PRMT8: variants seen among roughly 807,000 people sequenced by gnomAD.
PRMT8 encodes the protein protein arginine methyltransferase 8, also known as protein arginine N-methyltransferase 8.
Under a neutral mutation model 47.1 loss-of-function variants are expected in PRMT8, and 7 were observed. The observed-to-expected ratio is 0.15, with a 90% CI of 0.08 to 0.28. PRMT8 has a LOEUF of 0.28. PRMT8 is among the 10% of genes least tolerant of loss of function. The probability of loss-of-function intolerance (pLI) is 1.00; values close to 1 mark genes in which losing one functional copy is unlikely to be tolerated. For missense variants in PRMT8, 237 were observed against 505.4 expected, an observed-to-expected ratio of 0.47 and a Z score of 5.09; for synonymous variants, 188 against 186.5, an observed-to-expected ratio of 1.01 and a Z score of -0.07.
Position 3,592,426 on chromosome 12 carries a change from C to T in PRMT8, c.1101+74C>T, listed in dbSNP as rs750214317. ...CTGGCTCGCTCAGGACCCACTTGCCCGGGTTCTTAAGTGTCTCATGAACAG... is the reference window on the plus strand; with the variant it reads ...CTGGCTCGCTCAGGACCCACTTGCCTGGGTTCTTAAGTGTCTCATGAACAG... On this transcript the variant is annotated intron_variant, in intron 9 of 9. Coordinates refer to ENST00000382622, the MANE Select transcript of PRMT8 (RefSeq NM_019854.5). 37 of 1,509,502 alleles carry T rather than the reference C, an allele frequency of 2.5e-5. No individual in the cohort carries two copies. The Middle Eastern group carries it at 6.9e-4, about 28-fold the overall frequency. 93.5% of individuals were successfully genotyped at this position (1,509,502 alleles called of 1,614,324 possible). A position where few individuals can be genotyped will look rare whatever the true frequency, so the allele number is the denominator to read the frequency against.
At chr12:3,555,801 T>C (rs1565440465) in intron 4 of PRMT8, among the ~76,000 whole-genome samples, 1 of 117,442 alleles carries the variant, frequency 8.5e-6, no homozygotes. Context: ...GTGCATTGAG[T>C]GTGGGGATGA....
At chr12:3,524,468 C>T (rs1036764607) in intron 1 of PRMT8, among the ~76,000 whole-genome samples, 6 of 151,926 alleles carry the variant, frequency 3.9e-5, no homozygotes, top group Admixed American at 2.0e-4. Context: ...TGCCCTCACC[C>T]GAACCAAAGA....
At chr12:3,562,390 G>C (rs78197736) in intron 4 of PRMT8, among the ~76,000 whole-genome samples, 1 of 151,636 alleles carries the variant, frequency 6.6e-6, no homozygotes, top group East Asian at 1.9e-4. Context: ...AGGGGAGTTC[G>C]TGGTGTGACT....
chr12:3,559,603 C>T (rs547788943), intron 4 of PRMT8, among the ~76,000 whole-genome samples: 4 of 152,314 alleles, frequency 2.6e-5, no homozygotes, highest in African/African-American at 4.8e-5. Flanking sequence ...CCTTTCTCTA[C>T]CAGAAAAACC....
chr12:3,436,813 CT>C lies in PRMT8; in HGVS notation c.48+55372del, dbSNP rs1257105596. Reference sequence around the variant, plus strand: ...GGAGAAGCGGATCCAGCAGGCAAGGCTGCGATTTCTCTCTACTGATGCTGTG... The same window carrying C: ...GGAGAAGCGGATCCAGCAGGCAAGGCGCGATTTCTCTCTACTGATGCTGTG... On this transcript the variant is annotated intron_variant, in intron 1 of 9. Transcript: ENST00000452611. This position sits in a 1 kb window ranked among gnomAD's most constrained non-coding sequence, Gnocchi z 4.2. Among the ~76,000 whole-genome samples the C allele has an allele frequency of 1.3e-5, 2 of 152,346 alleles. No homozygotes were observed. The highest frequency in any genetic ancestry group is 1.3e-4 in the Admixed American group (2 of 15,296).
intron 5 of PRMT8, 151 bp downstream of exon 5, chr12:3,568,999 T>TAACAGAC: frequency 9.1e-7 from 1 of 1,093,790 alleles, no homozygotes; most frequent in Non-Finnish European, 1.3e-6. Context: ...AGCAGATCTG[T>TAACAGAC]ATCAGGGAAC....
intron 1 of PRMT8, among the ~76,000 whole-genome samples, chr12:3,445,628 A>G (rs10744612): frequency 0.56 from 84,730 of 151,912 alleles, 27,033 homozygotes; most frequent in East Asian, 0.83. Flanking sequence ...GATCAGCTCC[A>G]TTTGCTTGCC....
intron 1 of PRMT8, among the ~76,000 whole-genome samples, chr12:3,399,787 T>G (rs1864298727): frequency 6.6e-6 from 1 of 152,202 alleles, no homozygotes; most frequent in African/African-American, 2.4e-5. Context: ...ACTTTCATCA[T>G]GGATGCAGAT....
intron 6 of PRMT8, among the ~76,000 whole-genome samples, chr12:3,571,167 C>T (rs1293851843): frequency 1.3e-5 from 2 of 152,212 alleles, no homozygotes; most frequent in Non-Finnish European, 2.9e-5. Context: ...AAGCCCCTTT[C>T]TGCCCCTGGC....
chr12:3,454,111 A>G (rs1255012365), intron 1 of PRMT8, among the ~76,000 whole-genome samples: 1 of 152,154 alleles, frequency 6.6e-6, no homozygotes, highest in African/African-American at 2.4e-5. Context: ...ACGGAGGCCC[A>G]TCTGACTTGG....
intron 1 of PRMT8, among the ~76,000 whole-genome samples, chr12:3,464,821 C>G (rs909345405): frequency 2.0e-5 from 3 of 152,066 alleles, no homozygotes; most frequent in Admixed American, 2.0e-4. Flanking sequence ...TCATGGGAAA[C>G]CTGGGTAGGA....
At chr12:3,475,402 G>C (rs1194608711) in intron 1 of PRMT8, among the ~76,000 whole-genome samples, 1 of 152,196 alleles carries the variant, frequency 6.6e-6, no homozygotes, top group Non-Finnish European at 1.5e-5. Flanking sequence ...CACCAAACTG[G>C]TTTTAGGTTT....
At chr12:3,480,910 G>C (rs1222077901) in intron 1 of PRMT8, among the ~76,000 whole-genome samples, 2 of 152,192 alleles carry the variant, frequency 1.3e-5, no homozygotes, top group Non-Finnish European at 2.9e-5. Context: ...CTCTGGGAAA[G>C]CTAAGTGTTG....
chr12:3,485,426 C>A (rs1243478354), intron 1 of PRMT8, among the ~76,000 whole-genome samples: 1 of 152,084 alleles, frequency 6.6e-6, no homozygotes, highest in Non-Finnish European at 1.5e-5. Context: ...GAGGAACTGG[C>A]AATGGATATT....
chr12:3,446,841 G>A (rs1864860775), intron 1 of PRMT8, among the ~76,000 whole-genome samples: 3 of 152,206 alleles, frequency 2.0e-5, no homozygotes, highest in Admixed American at 2.0e-4. Flanking sequence ...TGCCCCATGT[G>A]CTTTAGAAGA....
intron 1 of PRMT8, among the ~76,000 whole-genome samples, chr12:3,455,852 G>T (rs1363641395): frequency 1.3e-5 from 2 of 152,180 alleles, no homozygotes; most frequent in Non-Finnish European, 1.5e-5. Context: ...ACATGTCTGT[G>T]CCAGTGCCCC....
chr12:3,560,215 G>A (rs894454886), intron 4 of PRMT8, among the ~76,000 whole-genome samples: 2 of 152,208 alleles, frequency 1.3e-5, no homozygotes, highest in African/African-American at 4.8e-5. Context: ...ATGCTTCCAT[G>A]GAAATGCTTT....
chr12:3,476,357 C>T (rs568825880), intron 1 of PRMT8, among the ~76,000 whole-genome samples: 30 of 152,284 alleles, frequency 2.0e-4, no homozygotes, highest in Admixed American at 1.7e-3. Context: ...TGGGAGCCTG[C>T]GTCTGCTGGT....
chr12:3,410,295 C>A (rs1864413885), intron 1 of PRMT8, among the ~76,000 whole-genome samples: 1 of 152,176 alleles, frequency 6.6e-6, no homozygotes, highest in Non-Finnish European at 1.5e-5. Context: ...GTTTCTCAGT[C>A]CCCTGGCAGT....
Sources: allele counts gnomAD v4.1 joint callset (sites outside exome capture counted in the v4.1 genomes callset), GRCh38; gene constraint gnomAD v4.1.1; non-coding constraint Gnocchi (gnomAD v3.1); transcripts MANE v1.5; gene names NCBI Gene and HGNC (gene_info 2026-07-23, HGNC 2026-07-21).